CSNK2A2IP: variants seen among roughly 807,000 people sequenced by gnomAD.
CSNK2A2IP encodes casein kinase II subunit alpha'-interacting protein.
chr3:88,379,603 C>T, the CSNK2A2IP span, among the ~76,000 whole-genome samples: 4 of 152,008 alleles, frequency 2.6e-5, no homozygotes, highest in Non-Finnish European at 5.9e-5. Context: ...GGTTTTCCCC[C>T]TTTAGTCCTG....
the CSNK2A2IP span, among the ~76,000 whole-genome samples, chr3:88,390,066 G>A: frequency 6.6e-6 from 1 of 152,098 alleles, no homozygotes; most frequent in African/African-American, 2.4e-5. Context: ...AGGTGGACGG[G>A]ACTTTAGAGC....
At chr3:88,415,184 A>C in the CSNK2A2IP span, among the ~76,000 whole-genome samples, 1 of 152,110 alleles carries the variant, frequency 6.6e-6, no homozygotes, top group South Asian at 2.1e-4. Context: ...TATTTCATTT[A>C]TTGACTTAAA....
At chr3:88,348,163 A>G in the CSNK2A2IP span, among the ~76,000 whole-genome samples, 1 of 150,090 alleles carries the variant, frequency 6.7e-6, no homozygotes, top group African/African-American at 2.4e-5. Flanking sequence ...TTGTCCTTTG[A>G]CCATGTAGTT....
At chr3:88,406,993 C>T in the CSNK2A2IP span, among the ~76,000 whole-genome samples, 40 of 152,212 alleles carry the variant, frequency 2.6e-4, no homozygotes, top group African/African-American at 9.4e-4. Flanking sequence ...ATTGCCCAGG[C>T]AATTGCTTTT....
chr3:88,362,366 G>T, the CSNK2A2IP span, among the ~76,000 whole-genome samples: 2 of 152,180 alleles, frequency 1.3e-5, no homozygotes, highest in African/African-American at 2.4e-5. Flanking sequence ...CAGACTTCTA[G>T]ATAGAAAGCC....
At chr3:88,425,002 A>G in the CSNK2A2IP span, among the ~76,000 whole-genome samples, 1 of 152,134 alleles carries the variant, frequency 6.6e-6, no homozygotes, top group Non-Finnish European at 1.5e-5. Context: ...GAATAAATCT[A>G]GAATTACAAA....
At chr3:88,410,349 G>A in the CSNK2A2IP span, among the ~76,000 whole-genome samples, 2,183 of 152,004 alleles carry the variant, frequency 0.014, 76 homozygotes, top group African/African-American at 0.05. Flanking sequence ...TGTTCCTTAA[G>A]GTATGTGACA....
the CSNK2A2IP span, among the ~76,000 whole-genome samples, chr3:88,340,660 T>A: frequency 6.6e-6 from 1 of 151,946 alleles, no homozygotes; most frequent in Non-Finnish European, 1.5e-5. Context: ...TACACTTTGG[T>A]GATTTCTTTG....
the CSNK2A2IP span, among the ~76,000 whole-genome samples, chr3:88,375,464 C>T: frequency 6.6e-6 from 1 of 151,668 alleles, no homozygotes; most frequent in African/African-American, 2.4e-5. Context: ...GTTGTGAGCA[C>T]TTGTGAAGAC....
the CSNK2A2IP span, among the ~76,000 whole-genome samples, chr3:88,358,527 G>GT: frequency 1.2e-4 from 18 of 149,990 alleles, no homozygotes; most frequent in South Asian, 6.3e-4. Flanking sequence ...GTTGTGAGCT[G>GT]TTTTTTTTTT....
chr3:88,465,250 G>C, the CSNK2A2IP span: 8 of 566,536 alleles, frequency 1.4e-5, no homozygotes, highest in Non-Finnish European at 2.6e-6. Flanking sequence ...GCTAGCAACT[G>C]TTATGTAAAA....
chr3:88,417,143 T>TA, the CSNK2A2IP span, among the ~76,000 whole-genome samples: 1 of 152,152 alleles, frequency 6.6e-6, no homozygotes, highest in Non-Finnish European at 1.5e-5. Flanking sequence ...TTAGTTTATA[T>TA]ACTGCGTTGA....
At chr3:88,366,075 A>G in the CSNK2A2IP span, among the ~76,000 whole-genome samples, 1 of 144,340 alleles carries the variant, frequency 6.9e-6, no homozygotes, top group Non-Finnish European at 1.6e-5. Flanking sequence ...TCCAAACGTT[A>G]CTGCATTTTG....
At chr3:88,401,577 A>C in the CSNK2A2IP span, among the ~76,000 whole-genome samples, 1 of 152,128 alleles carries the variant, frequency 6.6e-6, no homozygotes, top group East Asian at 1.9e-4. Flanking sequence ...AATATGAATG[A>C]GTAGATAAAG....
At chr3:88,460,264 T>TA in the CSNK2A2IP span, among the ~76,000 whole-genome samples, 1 of 152,196 alleles carries the variant, frequency 6.6e-6, no homozygotes, top group Non-Finnish European at 1.5e-5. Context: ...TCTAGCAAAA[T>TA]ACTTTCTTTG....
At chr3:88,351,918 C>G in the CSNK2A2IP span, among the ~76,000 whole-genome samples, 1 of 152,138 alleles carries the variant, frequency 6.6e-6, no homozygotes, top group Admixed American at 6.5e-5. Flanking sequence ...GATGCTGTTA[C>G]TGGAAATTTT....
chr3:88,360,071 A>G, the CSNK2A2IP span, among the ~76,000 whole-genome samples: 3 of 151,044 alleles, frequency 2.0e-5, no homozygotes, highest in Non-Finnish European at 4.4e-5. Flanking sequence ...TATAATTGCT[A>G]TGTCCTTTTG....
the CSNK2A2IP span, among the ~76,000 whole-genome samples, chr3:88,399,090 G>T: frequency 6.6e-6 from 1 of 152,040 alleles, no homozygotes; most frequent in Non-Finnish European, 1.5e-5. Flanking sequence ...TAACTTAATA[G>T]GACATGAACA....
At chr3:88,417,775 A>G in the CSNK2A2IP span, among the ~76,000 whole-genome samples, 1 of 151,994 alleles carries the variant, frequency 6.6e-6, no homozygotes, top group Non-Finnish European at 1.5e-5. Context: ...TTTTTTCTAC[A>G]CTGTAGCTCT....
Sources: gnomAD v4.1 joint callset for allele counts (sites outside exome capture counted in the v4.1 genomes callset) on GRCh38, gnomAD v4.1.1 for gene constraint, MANE v1.5 for transcripts, NCBI Gene and HGNC (gene_info 2026-07-23, HGNC 2026-07-21) for gene names.